OLR1: variants seen among roughly 807,000 people sequenced by gnomAD.
OLR1 encodes oxidized low density lipoprotein receptor 1.
Under a neutral mutation model 31.7 loss-of-function variants are expected in OLR1, and 23 were observed. The ratio of observed to expected loss-of-function variants is 0.72; its 90% confidence interval spans 0.52 to 1.03. OLR1 has a LOEUF of 1.03. OLR1 is among the 50% of genes least tolerant of loss of function. The pLI, the probability that OLR1 is intolerant of heterozygous loss-of-function variation, is 0.00. For missense variants in OLR1, 286 were observed against 315.7 expected, an observed-to-expected ratio of 0.91 and a Z score of 0.71; for synonymous variants, 117 against 115.8, an observed-to-expected ratio of 1.01 and a Z score of -0.07.
rs1292858329 is a variant in OLR1, at chr12:10,159,391, A to T, written c.*489T>A. On this transcript the variant is annotated 3_prime_UTR_variant, in exon 6 of 6. Coordinates refer to ENST00000309539, the MANE Select transcript of OLR1 (RefSeq NM_002543.4). ...AAAACCAAGGATTGATACCTTTTTTAAAGTTAAGAACATGAGTTTCTTGAT... is the reference window on the plus strand; with the variant it reads ...AAAACCAAGGATTGATACCTTTTTTTAAGTTAAGAACATGAGTTTCTTGAT... 1 of 154,234 alleles carries T rather than the reference A, an allele frequency of 6.5e-6. No homozygotes were observed. Among genetic ancestry groups the T allele is most frequent in the African/African-American group, 2.4e-5 (1 of 41,504 alleles). The allele number at this position is 154,234 out of a possible 1,614,324, so 9.6% of individuals were successfully genotyped here.
upstream of OLR1, among the ~76,000 whole-genome samples, chr12:10,173,526 T>A (rs577666200): frequency 7.1e-6 from 1 of 141,174 alleles, no homozygotes; most frequent in Non-Finnish European, 1.5e-5. Flanking sequence ...ATGCCTGTAA[T>A]CTCAGCACTT....
chr12:10,168,960 T>G (rs1948685765), intron 2 of OLR1, 114 bp downstream of exon 2: 1 of 609,348 alleles, frequency 1.6e-6, no homozygotes, highest in East Asian at 3.0e-5. Context: ...CTAAAATGAA[T>G]CTATATCAAG....
intron 4 of OLR1, 22 bp downstream of exon 4, chr12:10,160,764 A>G (rs2137502531): frequency 1.9e-6 from 3 of 1,609,656 alleles, no homozygotes; most frequent in Non-Finnish European, 2.6e-6. Context: ...CTCCACCCCA[A>G]CAAATATCCA....
chr12:10,174,592 C>T (rs932084759), upstream of OLR1, among the ~76,000 whole-genome samples: 5 of 152,280 alleles, frequency 3.3e-5, no homozygotes, highest in Non-Finnish European at 5.9e-5. Flanking sequence ...GTTCTCCACT[C>T]GCTGGCCGAG....
chr12:10,161,706 C>G (rs1408755161), intron 3 of OLR1, among the ~76,000 whole-genome samples: 1 of 151,940 alleles, frequency 6.6e-6, no homozygotes, highest in Non-Finnish European at 1.5e-5. Context: ...CCACACCCGG[C>G]TAGTTTGCAT....
At chr12:10,175,865 C>T (rs1415194655), upstream of OLR1, among the ~76,000 whole-genome samples, 1 of 152,192 alleles carries the variant, frequency 6.6e-6, no homozygotes, top group Non-Finnish European at 1.5e-5. Flanking sequence ...CCATAGTTGG[C>T]CACCTGACTT....
At position 10,160,910 on chromosome 12, in the gene OLR1, T is replaced by A; in HGVS notation, c.440A>T (p.Asp147Val). Reference protein sequence around the residue: ...VANCSAPCPQDWIWHGENCYL... With the variant: ...VANCSAPCPQVWIWHGENCYL... ...ACAGTTTTCTCCATGCCAGATCCAG[T>A]CTTGCGGACAAGGAGCTGGGAAGGA... Residue 147 changes from aspartate to valine, a missense_variant, in exon 4 of 6, where the codon GAC becomes GTC. By Grantham distance (152) the Asp-to-Val change is radical. Coordinates refer to ENST00000309539, the MANE Select transcript of OLR1 (RefSeq NM_002543.4). The A allele has an allele frequency of 6.2e-7, 1 of 1,614,128 alleles. No homozygotes were observed. Among genetic ancestry groups the A allele is most frequent in the Non-Finnish European group, 8.5e-7 (1 of 1,179,952 alleles).
intron 3 of OLR1, among the ~76,000 whole-genome samples, chr12:10,164,805 T>C (rs995473837): frequency 1.3e-5 from 2 of 152,260 alleles, no homozygotes; most frequent in Non-Finnish European, 2.9e-5. Flanking sequence ...AGTCTTCTTA[T>C]AGATGCTACT....
intron 3 of OLR1, among the ~76,000 whole-genome samples, chr12:10,165,037 CG>C (rs1948649407): frequency 6.6e-6 from 1 of 151,994 alleles, no homozygotes. Flanking sequence ...CCGAGGCGGG[CG>C]GATCACCCGA....
At position 10,159,741 on chromosome 12, in the gene OLR1, A is replaced by G. The variant is rs1260342489; in HGVS notation, c.*139T>C. ...AAAGGTGCCAGGCTCCTGGAACCCC[A>G]GTTTCTGCAAAGGAGTTCTGCAGCC... is the stretch of plus-strand genomic sequence containing the variant. On this transcript the variant is annotated 3_prime_UTR_variant, in exon 6 of 6. Transcript: ENST00000309539. 2 of 728,892 alleles carry G rather than the reference A, an allele frequency of 2.7e-6. No individual in the cohort carries two copies. The highest frequency in any genetic ancestry group is 4.2e-6 in the Non-Finnish European group (2 of 478,242). The allele number at this position is 728,892 out of a possible 1,614,324, so 45.2% of individuals were successfully genotyped here. A position where few individuals can be genotyped will look rare whatever the true frequency, so the allele number is the denominator to read the frequency against.
At chr12:10,175,208 T>C (rs564292735), upstream of OLR1, 3 of 152,314 alleles carry the variant, frequency 2.0e-5, no homozygotes, top group African/African-American at 7.2e-5. Context: ...CTACGTGTGC[T>C]TATGTAAGGT....
chr12:10,170,128 A>G (rs998389868), intron 1 of OLR1, among the ~76,000 whole-genome samples: 4 of 152,262 alleles, frequency 2.6e-5, no homozygotes, highest in African/African-American at 9.6e-5. Context: ...TCTAATTGTC[A>G]GTAGCTACAT....
chr12:10,161,839 A>G (rs937318693), intron 3 of OLR1, among the ~76,000 whole-genome samples: 1 of 151,932 alleles, frequency 6.6e-6, no homozygotes, highest in African/African-American at 2.4e-5. Flanking sequence ...AATATTTCAA[A>G]TATCTTGGGT....
At chr12:10,169,051 C>A in intron 2 of OLR1, 23 bp downstream of exon 2, 1 of 1,534,458 alleles carries the variant, frequency 6.5e-7, no homozygotes, top group South Asian at 1.2e-5. Flanking sequence ...CAATAAACAT[C>A]AGTTCCGTAT....
chr12:10,168,850 A>C (rs1000392931), intron 2 of OLR1, among the ~76,000 whole-genome samples: 3 of 152,204 alleles, frequency 2.0e-5, no homozygotes, highest in Admixed American at 6.5e-5. Flanking sequence ...AACAAACAAA[A>C]AAATGCCTAC....
upstream of OLR1, among the ~76,000 whole-genome samples, chr12:10,172,983 G>A (rs139422862): frequency 4.1e-4 from 62 of 152,198 alleles, 1 homozygote; most frequent in East Asian, 0.011. Context: ...CAAATGACAC[G>A]CTGGTTAAAA....
At chr12:10,169,018 C>A in intron 2 of OLR1, 56 bp downstream of exon 2, 1 of 1,204,534 alleles carries the variant, frequency 8.3e-7, no homozygotes, top group Non-Finnish European at 1.2e-6. Flanking sequence ...TATTTATTAA[C>A]CTCATTTCCA....
At chr12:10,171,132 A>G (rs1948712331) in intron 1 of OLR1, among the ~76,000 whole-genome samples, 1 of 152,258 alleles carries the variant, frequency 6.6e-6, no homozygotes, top group Non-Finnish European at 1.5e-5. Context: ...CAGTTTTTAT[A>G]GCAATTTAGT....
At chr12:10,170,353 A>G (rs1948701383) in intron 1 of OLR1, 1 of 152,198 alleles carries the variant, frequency 6.6e-6, no homozygotes, top group South Asian at 2.1e-4. Context: ...CTAGCAGAGA[A>G]GTTGTAGAAG....
Sources: gnomAD v4.1 joint callset for allele counts (sites outside exome capture counted in the v4.1 genomes callset) on GRCh38, gnomAD v4.1.1 for gene constraint, MANE v1.5 for transcripts, NCBI Gene and HGNC (gene_info 2026-07-23, HGNC 2026-07-21) for gene names.